Variants in RBFOX1 observed in about 807,000 individuals in gnomAD.
RBFOX1 encodes the protein RNA binding fox-1 homolog 1.
RBFOX1 carries 8 observed loss-of-function variants against 57.7 expected under a neutral mutation model. That is an observed-to-expected ratio of 0.14 (90% CI 0.08 to 0.25). The LOEUF (loss-of-function observed/expected upper bound fraction) is 0.25. RBFOX1 is among the 10% of genes least tolerant of loss of function. The pLI, the probability that RBFOX1 is intolerant of heterozygous loss-of-function variation, is 1.00. For missense variants in RBFOX1, 611 were observed against 548.5 expected, an observed-to-expected ratio of 1.11 and a Z score of -1.14; for synonymous variants, 326 against 222.4, an observed-to-expected ratio of 1.47 and a Z score of -4.15.
At chr16:5,304,407 T>C (rs2063880377) in intron 1 of RBFOX1, among the ~76,000 whole-genome samples, 2 of 152,204 alleles carry the variant, frequency 1.3e-5, no homozygotes, top group South Asian at 4.1e-4. Context: ...AGAGCTCTTT[T>C]TCCTCCTACT....
At position 7,047,952 on chromosome 16, in the gene RBFOX1, C is replaced by T. The variant is rs1312315660; in HGVS notation, c.-15-4105C>T. ...GGAGTGCAGTGGTGCAGTCTTTACT[C>T]ACTGCAACCTCCCCCTGCCGGGTTC... On this transcript the variant is annotated intron_variant, in intron 3 of 15. Transcript: ENST00000550418. Among the ~76,000 whole-genome samples the T allele has an allele frequency of 3.9e-5, 6 of 151,928 alleles. No individual in the cohort carries two copies. The East Asian group carries it at 1.2e-3, about 29-fold the overall frequency.
intron 4 of RBFOX1, among the ~76,000 whole-genome samples, chr16:7,090,389 A>G (rs2060629073): frequency 6.6e-6 from 1 of 152,152 alleles, no homozygotes; most frequent in South Asian, 2.1e-4. Context: ...GGTAGATGGT[A>G]TAGTCTCCCT....
At chr16:7,310,402 G>T (rs1378662575) in intron 4 of RBFOX1, among the ~76,000 whole-genome samples, 2 of 152,194 alleles carry the variant, frequency 1.3e-5, no homozygotes, top group South Asian at 2.1e-4. Context: ...AAAAGTGACA[G>T]AATTTGGAAC....
chr16:5,293,159 A>C (rs1406002726), intron 1 of RBFOX1, among the ~76,000 whole-genome samples: 1 of 151,948 alleles, frequency 6.6e-6, no homozygotes, highest in Non-Finnish European at 1.5e-5. Context: ...TATTTCTACT[A>C]AAAATACAAA....
At chr16:5,509,384 A>G (rs1246905652) in intron 2 of RBFOX1, among the ~76,000 whole-genome samples, 2 of 152,196 alleles carry the variant, frequency 1.3e-5, no homozygotes, top group Admixed American at 6.5e-5. Flanking sequence ...TCCACCACCG[A>G]CATCTCTTTC....
chr16:6,193,121 A>T lies in RBFOX1; in HGVS notation c.-126-123874A>T, dbSNP rs146315818. Among the ~76,000 whole-genome samples the T allele has an allele frequency of 1.9e-3, 282 of 151,968 alleles. 6 individuals are homozygous for T. In the South Asian group the frequency reaches 0.019, roughly 10 times the overall value. On this transcript the variant is annotated intron_variant, in intron 1 of 15. Coordinates refer to ENST00000550418, the MANE Select transcript of RBFOX1 (RefSeq NM_018723.4). ...CTCTGTAATACATTTAGTGATTTCA[A>T]TGCAAATGAATCGTGTTGGTGAGGC...
At chr16:7,701,802 C>G (rs1008719160) in intron 14 of RBFOX1, among the ~76,000 whole-genome samples, 2 of 152,196 alleles carry the variant, frequency 1.3e-5, no homozygotes, top group African/African-American at 2.4e-5. Context: ...GTCCAGAACT[C>G]AGTTGACCCT....
At chr16:5,332,472 C>G (rs1013183801) in intron 1 of RBFOX1, among the ~76,000 whole-genome samples, 6 of 151,976 alleles carry the variant, frequency 3.9e-5, no homozygotes, top group Non-Finnish European at 2.9e-5. Flanking sequence ...CCATGTTGGC[C>G]AGGCTGGTCT....
At chr16:6,859,152 T>TGTATATATATACGTATATATATAC (rs2058506112) in intron 3 of RBFOX1, among the ~76,000 whole-genome samples, 83 of 77,058 alleles carry the variant, frequency 1.1e-3, no homozygotes, top group African/African-American at 5.2e-3. Flanking sequence ...TATATATATA[T>TGTATATATATACGTATATATATAC]GTATATATAT....
At chr16:6,656,713 C>G (rs1200296797) in intron 3 of RBFOX1, among the ~76,000 whole-genome samples, 4 of 151,880 alleles carry the variant, frequency 2.6e-5, no homozygotes, top group Admixed American at 2.6e-4. Context: ...CCATTTTTTT[C>G]TAAACTTGAC....
At chr16:6,828,977 T>G (rs890510065) in intron 3 of RBFOX1, among the ~76,000 whole-genome samples, 11 of 149,910 alleles carry the variant, frequency 7.3e-5, no homozygotes, top group African/African-American at 2.4e-4. Context: ...CTTTTCCCGT[T>G]GTTATAAATC....
intron 1 of RBFOX1, among the ~76,000 whole-genome samples, chr16:6,115,921 C>G (rs1228945072): frequency 1.3e-5 from 2 of 152,098 alleles, no homozygotes; most frequent in Non-Finnish European, 2.9e-5. Context: ...ATAAATATCT[C>G]TAGTACCCAA....
chr16:5,777,590 G>T (rs1322794343), intron 3 of RBFOX1, among the ~76,000 whole-genome samples: 1 of 152,164 alleles, frequency 6.6e-6, no homozygotes, highest in Non-Finnish European at 1.5e-5. Flanking sequence ...TGGTCTTCGA[G>T]CAGGTCACTC....
chr16:7,231,516 C>T (rs1430623403), intron 4 of RBFOX1, among the ~76,000 whole-genome samples: 2 of 152,138 alleles, frequency 1.3e-5, no homozygotes, highest in Non-Finnish European at 2.9e-5. Context: ...ACCATATGAC[C>T]CAGCAAACCC....
intron 3 of RBFOX1, among the ~76,000 whole-genome samples, chr16:6,879,461 G>A (rs6500862): frequency 0.27 from 40,394 of 151,950 alleles, 5,598 homozygotes; most frequent in African/African-American, 0.33. Context: ...ATCTTTGTGT[G>A]TATCATTGAT....
At chr16:5,358,423 T>G (rs1033417795) in intron 1 of RBFOX1, among the ~76,000 whole-genome samples, 3 of 152,170 alleles carry the variant, frequency 2.0e-5, no homozygotes, top group African/African-American at 7.2e-5. Context: ...ATTTTTAAAT[T>G]AAAATGTTGT....
intron 3 of RBFOX1, among the ~76,000 whole-genome samples, chr16:5,635,341 G>T (rs1323864177): frequency 6.6e-6 from 1 of 152,160 alleles, no homozygotes; most frequent in Non-Finnish European, 1.5e-5. Context: ...CAGCCTCCTA[G>T]CCTGTCCCTC....
At chr16:6,016,104 T>C (rs954962888), upstream of RBFOX1, among the ~76,000 whole-genome samples, 1 of 152,252 alleles carries the variant, frequency 6.6e-6, no homozygotes, top group African/African-American at 2.4e-5. Context: ...GAGCTTATTA[T>C]GTGGCTGGTG....
chr16:7,515,478 T>TACAC (rs144695101), intron 4 of RBFOX1, among the ~76,000 whole-genome samples: 360 of 146,788 alleles, frequency 2.5e-3, no homozygotes, highest in East Asian at 0.011. Flanking sequence ...CACACACACA[T>TACAC]ACACACACAC....
Sources: allele counts gnomAD v4.1 joint callset (sites outside exome capture counted in the v4.1 genomes callset), GRCh38; gene constraint gnomAD v4.1.1; transcripts MANE v1.5; gene names NCBI Gene and HGNC (gene_info 2026-07-23, HGNC 2026-07-21).